KALRN: variants seen among roughly 807,000 people sequenced by gnomAD.
KALRN encodes kalirin.
Under a neutral mutation model 353.7 loss-of-function variants are expected in KALRN, and 70 were observed. That is an observed-to-expected ratio of 0.20 (90% CI 0.16 to 0.24). KALRN has a LOEUF of 0.24. KALRN is among the 10% of genes least tolerant of loss of function. The pLI, the probability that KALRN is intolerant of heterozygous loss-of-function variation, is 1.00. For synonymous variants in KALRN, 1,391 were observed against 1,434.8 expected (o/e 0.97, Z 0.69); for missense variants, 2,791 against 3,756.7 (o/e 0.74, Z 6.72).
chr3:124,455,405 C>T, intron 22 of KALRN, 46 bp downstream of exon 22: 1 of 1,558,744 alleles, frequency 6.4e-7, no homozygotes, highest in Non-Finnish European at 8.8e-7. Context: ...TTCTCATCTC[C>T]CTGAGCACCA....
intron 37 of KALRN, among the ~76,000 whole-genome samples, chr3:124,640,996 G>A (rs1036811010): frequency 2.6e-5 from 4 of 152,060 alleles, no homozygotes; most frequent in East Asian, 1.9e-4. Context: ...GCCGCGGCAC[G>A]GAATTCTGCT....
chr3:124,638,482 T>C (rs2081624138), intron 37 of KALRN, among the ~76,000 whole-genome samples: 1 of 152,208 alleles, frequency 6.6e-6, no homozygotes. Context: ...GACCCCTCTC[T>C]GACTGCTTCT....
In KALRN at chr3:124,329,899, T is replaced by C. The variant is rs1202691385; in HGVS notation, c.1323T>C (p.Ser441=). The C allele has an allele frequency of 1.2e-6, 2 of 1,613,608 alleles. No individual in the cohort carries two copies. The highest frequency in any genetic ancestry group is 3.3e-5 in the Admixed American group (2 of 59,946). The change falls in exon 8 of 60, where the codon AGT becomes AGC. Residue 441 remains serine, a synonymous_variant. Coordinates refer to ENST00000682506, the MANE Select transcript of KALRN (RefSeq NM_001388419.1). The part of the protein sequence containing the change: ...SGVDAWCKMC[S]EGGLPSEMQD... The stretch of plus-strand genomic sequence containing the variant: ...TGGATGCCTGGTGCAAGATGTGCAG[T>C]GAAGGTGGTCTGCCATCCGAGATGC...
chr3:124,210,497 C>T (rs182032761), intron 1 of KALRN, among the ~76,000 whole-genome samples: 179 of 152,260 alleles, frequency 1.2e-3, no homozygotes, highest in African/African-American at 4.0e-3. Context: ...CAACTTTTTG[C>T]AGGCCATTAT....
chr3:124,217,639 G>T (rs2150571981), intron 1 of KALRN, among the ~76,000 whole-genome samples: 1 of 151,910 alleles, frequency 6.6e-6, no homozygotes, highest in East Asian at 1.9e-4. Flanking sequence ...TTTCATCTCT[G>T]CCTCTTTCTC....
At chr3:124,064,723 G>T (rs1413117260) in intron 1 of KALRN, among the ~76,000 whole-genome samples, 2 of 152,132 alleles carry the variant, frequency 1.3e-5, no homozygotes, top group Non-Finnish European at 2.9e-5. Context: ...ACAGCTTTTT[G>T]GTTTGGGGTT....
intron 1 of KALRN, among the ~76,000 whole-genome samples, chr3:124,047,154 T>C (rs1398648083): frequency 6.6e-6 from 1 of 152,158 alleles, no homozygotes; most frequent in Non-Finnish European, 1.5e-5. Flanking sequence ...AAATATTCAC[T>C]CTTCTTTTAG....
chr3:124,558,332 C>G (rs1577968886), intron 33 of KALRN, among the ~76,000 whole-genome samples: 1 of 152,038 alleles, frequency 6.6e-6, no homozygotes, highest in South Asian at 2.1e-4. Flanking sequence ...GGCTGGAGTG[C>G]AATGGCATGA....
chr3:124,625,419 A>T (rs2079832785), intron 34 of KALRN, among the ~76,000 whole-genome samples: 1 of 152,208 alleles, frequency 6.6e-6, no homozygotes, highest in Non-Finnish European at 1.5e-5. Context: ...AGTGTGATGT[A>T]TTTCATAAAA....
intron 17 of KALRN, 32 bp downstream of exon 17, chr3:124,434,557 T>G: frequency 6.2e-7 from 1 of 1,604,430 alleles, no homozygotes; most frequent in Non-Finnish European, 8.5e-7. Context: ...CTTGTGGGGC[T>G]GAGATTGCCA....
chr3:124,705,822 CCCTTCCTT>C lies in KALRN; in HGVS notation c.8075+3729_8075+3736del, dbSNP rs373858046. ...TCCCTCCCTTCCTTCCTTCCTTCCT[CCCTTCCTT>C]CCTTCCTTCCTTCCTTCCTTCCCTC... On this transcript the variant is annotated intron_variant, in intron 57 of 59. Coordinates refer to ENST00000682506, the MANE Select transcript of KALRN (RefSeq NM_001388419.1). Among the ~76,000 whole-genome samples, 4 of 144,768 alleles carry C rather than the reference CCCTTCCTT, an allele frequency of 2.8e-5. No homozygotes were observed. In the East Asian group the frequency reaches 6.0e-4, roughly 22 times the overall value. 95.0% of individuals were successfully genotyped at this position (144,768 alleles called of 152,430 possible). A position where few individuals can be genotyped will look rare whatever the true frequency, so the allele number is the denominator to read the frequency against.
intron 34 of KALRN, among the ~76,000 whole-genome samples, chr3:124,587,228 G>GATAAAGGC (rs139172389): frequency 0.047 from 7,192 of 152,274 alleles, 213 homozygotes; most frequent in Middle Eastern, 0.15. Flanking sequence ...CCACCTTGTA[G>GATAAAGGC]ATAAAGGCGG....
intron 1 of KALRN, among the ~76,000 whole-genome samples, chr3:124,221,353 C>T (rs947177298): frequency 4.6e-5 from 7 of 152,288 alleles, no homozygotes; most frequent in East Asian, 1.9e-4. Flanking sequence ...TGTGCCTGTG[C>T]GTGGTCAGTT....
chr3:124,508,407 T>C (rs931396697), intron 33 of KALRN, among the ~76,000 whole-genome samples: 7 of 152,218 alleles, frequency 4.6e-5, no homozygotes, highest in African/African-American at 1.7e-4. Flanking sequence ...GTGGCTGTTT[T>C]TATATGACTA....
chr3:124,239,403 G>A (rs1001142248), intron 3 of KALRN, among the ~76,000 whole-genome samples: 2 of 152,084 alleles, frequency 1.3e-5, no homozygotes, highest in African/African-American at 2.4e-5. Flanking sequence ...GCTTTGTCAC[G>A]ACCTTCTTTC....
chr3:124,318,943 A>T (rs2079063672), intron 6 of KALRN, among the ~76,000 whole-genome samples: 1 of 152,114 alleles, frequency 6.6e-6, no homozygotes, highest in South Asian at 2.1e-4. Flanking sequence ...GTAAAATGAG[A>T]TTGTTGCATG....
chr3:124,266,201 A>T (rs566848229), intron 4 of KALRN, among the ~76,000 whole-genome samples: 1 of 152,344 alleles, frequency 6.6e-6, no homozygotes, highest in South Asian at 2.1e-4. Context: ...TTTAGAAAAA[A>T]TAGTATTAAA....
chr3:124,659,968 G>A lies in KALRN; in HGVS notation c.6216+511G>A, dbSNP rs568006954. ...TATATTTGAGGCAGGGTCTCACTCT[G>A]TCACCCAGGCTGCAGTGCAGTGACA... is the stretch of plus-strand genomic sequence containing the variant. On this transcript the variant is annotated intron_variant, in intron 43 of 59. Coordinates refer to ENST00000682506, the MANE Select transcript of KALRN (RefSeq NM_001388419.1). Among the ~76,000 whole-genome samples, 8 of 151,292 alleles carry A rather than the reference G, an allele frequency of 5.3e-5. No individual in the cohort carries two copies. In the East Asian group the frequency reaches 1.4e-3, roughly 26 times the overall value.
At chr3:124,336,010 A>G (rs1319520979) in intron 9 of KALRN, among the ~76,000 whole-genome samples, 1 of 152,136 alleles carries the variant, frequency 6.6e-6, no homozygotes, top group Non-Finnish European at 1.5e-5. Flanking sequence ...GTGGTCAGGC[A>G]GAGTGGAGGG....
Sources: gnomAD v4.1 joint callset for allele counts (sites outside exome capture counted in the v4.1 genomes callset) on GRCh38, gnomAD v4.1.1 for gene constraint, MANE v1.5 for transcripts, NCBI Gene and HGNC (gene_info 2026-07-23, HGNC 2026-07-21) for gene names.